IKZF2: variants seen among roughly 807,000 people sequenced by gnomAD.
IKZF2 encodes zinc finger protein Helios.
A neutral mutation model predicts 49.2 loss-of-function variants in IKZF2; 15 were observed. The observed-to-expected ratio is 0.30, with a 90% CI of 0.20 to 0.47. IKZF2 has a LOEUF of 0.47. Among genes scored for constraint, IKZF2 ranks in the 20% least tolerant of loss-of-function variants. The pLI is 1.00. For missense variants in IKZF2, 567 were observed against 664.6 expected (o/e 0.85, Z 1.61); for synonymous variants, 227 against 221.4 (o/e 1.03, Z -0.23).
At chr2:213,047,888 A>T (rs1700307526) in intron 6 of IKZF2, among the ~76,000 whole-genome samples, 1 of 152,122 alleles carries the variant, frequency 6.6e-6, no homozygotes, top group Non-Finnish European at 1.5e-5. Flanking sequence ...TATCAGATAA[A>T]GAACCTTATT....
chr2:213,093,385 C>T (rs2125656141), intron 4 of IKZF2, among the ~76,000 whole-genome samples: 1 of 152,252 alleles, frequency 6.6e-6, no homozygotes, highest in South Asian at 2.1e-4. Context: ...CTTTTTCCTG[C>T]TGCGGGGCCT....
intron 4 of IKZF2, among the ~76,000 whole-genome samples, chr2:213,079,061 G>A (rs1180245751): frequency 6.6e-6 from 1 of 151,998 alleles, no homozygotes. Flanking sequence ...TCTCTTTTTT[G>A]TTGAGGGAGA....
chr2:213,063,379 G>C (rs967395910), intron 4 of IKZF2, among the ~76,000 whole-genome samples: 11 of 151,752 alleles, frequency 7.2e-5, no homozygotes, highest in Non-Finnish European at 1.5e-4. Flanking sequence ...AGAAAACCAG[G>C]GTCTCTACCA....
intron 4 of IKZF2, among the ~76,000 whole-genome samples, chr2:213,133,459 G>A (rs962448891): frequency 1.3e-5 from 2 of 152,092 alleles, no homozygotes; most frequent in Admixed American, 6.6e-5. Flanking sequence ...GGCCAGGCAC[G>A]GTGGCTCACG....
intron 4 of IKZF2, among the ~76,000 whole-genome samples, chr2:213,066,012 G>A (rs1221290554): frequency 2.0e-5 from 3 of 152,100 alleles, no homozygotes; most frequent in South Asian, 2.1e-4. Context: ...TTTCCTGAGC[G>A]TGGATTTTAT....
At chr2:213,147,915 T>G (rs928306971) in intron 3 of IKZF2, 103 bp from the exon 4 acceptor site, 1 of 744,924 alleles carries the variant, frequency 1.3e-6, no homozygotes, top group Non-Finnish European at 2.3e-6. Flanking sequence ...GCCTTCAAAC[T>G]GTAAGGTAAT....
rs1705353234 is a variant in IKZF2 at position 213,091,721 on chromosome 2, GAT to G, written c.140-34624_140-34623del. 3.9e-5 allele frequency among the ~76,000 whole-genome samples: 6 copies of G among 152,214 alleles called. No homozygotes were observed. The Middle Eastern group carries it at 0.02, about 518-fold the overall frequency. On this transcript the variant is annotated intron_variant, in intron 4 of 8. Transcript: ENST00000434687. Reference sequence around the variant, plus strand: ...GGATCAAAGTAGCTTATGCAGAAAAGATGTGAAAATTTAATAAAAGAAAGAAT... The same window carrying G: ...GGATCAAAGTAGCTTATGCAGAAAAGGTGAAAATTTAATAAAAGAAAGAAT...
At chr2:213,084,377 T>C (rs998385086) in intron 4 of IKZF2, among the ~76,000 whole-genome samples, 1 of 152,196 alleles carries the variant, frequency 6.6e-6, no homozygotes, top group Non-Finnish European at 1.5e-5. Context: ...ATAATAGTTC[T>C]GTTCCTCACT....
intron 4 of IKZF2, among the ~76,000 whole-genome samples, chr2:213,072,633 GT>G (rs67705511): frequency 0.44 from 66,953 of 151,816 alleles, 16,007 homozygotes; most frequent in African/African-American, 0.59. Flanking sequence ...ACTCTTGAAA[GT>G]TAAGTCTGTT....
intron 4 of IKZF2, among the ~76,000 whole-genome samples, chr2:213,134,462 AT>A (rs1484371777): frequency 6.6e-6 from 1 of 152,196 alleles, no homozygotes; most frequent in East Asian, 1.9e-4. Flanking sequence ...GTACACAATC[AT>A]TTTTGCAAAA....
At chr2:213,139,950 A>T (rs569332750) in intron 4 of IKZF2, among the ~76,000 whole-genome samples, 1 of 152,108 alleles carries the variant, frequency 6.6e-6, no homozygotes, top group African/African-American at 2.4e-5. Flanking sequence ...CAGTATTACG[A>T]TCTCACACAA....
chr2:213,020,000 G>C (rs1406702572), intron 7 of IKZF2, among the ~76,000 whole-genome samples: 1 of 152,062 alleles, frequency 6.6e-6, no homozygotes, highest in South Asian at 2.1e-4. Flanking sequence ...AGTCTTTTAG[G>C]AGTATGTATG....
chr2:213,013,250 A>T (rs1201879778), intron 8 of IKZF2, among the ~76,000 whole-genome samples: 1 of 152,010 alleles, frequency 6.6e-6, no homozygotes, highest in Non-Finnish European at 1.5e-5. Flanking sequence ...TTCCAGATAA[A>T]ATACGAAAAT....
chr2:213,106,107 T>C (rs1437454509), intron 4 of IKZF2, among the ~76,000 whole-genome samples: 1 of 152,216 alleles, frequency 6.6e-6, no homozygotes, highest in East Asian at 1.9e-4. Context: ...TGTCTTTATT[T>C]AAATTGTCAG....
chr2:213,018,992 A>C (rs1696904073), intron 7 of IKZF2, among the ~76,000 whole-genome samples: 1 of 152,054 alleles, frequency 6.6e-6, no homozygotes, highest in Non-Finnish European at 1.5e-5. Context: ...TTATTTTTTT[A>C]AAGTATGTAT....
chr2:213,073,767 T>C (rs1207331676), intron 4 of IKZF2, among the ~76,000 whole-genome samples: 1 of 152,252 alleles, frequency 6.6e-6, no homozygotes. Context: ...TGGAGTGCAG[T>C]GGCACGATCT....
At chr2:213,138,700 T>A (rs76104575) in intron 4 of IKZF2, among the ~76,000 whole-genome samples, 3,088 of 152,126 alleles carry the variant, frequency 0.02, 117 homozygotes, top group African/African-American at 0.07. Context: ...CAAATAAATC[T>A]ATATGCTTTG....
chr2:213,053,145 A>C lies in IKZF2; in HGVS notation c.407-3265T>G, dbSNP rs75147732. Among the ~76,000 whole-genome samples the C allele has an allele frequency of 3.7e-4, 57 of 152,282 alleles. No individual in the cohort carries two copies. The East Asian group carries it at 6.9e-3, about 19-fold the overall frequency. On this transcript the variant is annotated intron_variant, in intron 5 of 8. Coordinates refer to ENST00000434687, the MANE Select transcript of IKZF2 (RefSeq NM_001387220.1). ...ACATTAATGGAGCAATCCAAGCTGA[A>C]AACATTAAGTAGTTTGTTATAACCA...
intron 6 of IKZF2, among the ~76,000 whole-genome samples, chr2:213,033,510 C>T (rs1698693586): frequency 6.6e-6 from 1 of 152,270 alleles, no homozygotes; most frequent in South Asian, 2.1e-4. Context: ...AACCCTTGAG[C>T]GTGGGCTGAA....
Sources: gnomAD v4.1 joint callset for allele counts (sites outside exome capture counted in the v4.1 genomes callset) on GRCh38, gnomAD v4.1.1 for gene constraint, MANE v1.5 for transcripts, NCBI Gene and HGNC (gene_info 2026-07-23, HGNC 2026-07-21) for gene names.